Variants in KHDRBS3 observed in about 807,000 individuals in gnomAD.
KHDRBS3 encodes the protein KH RNA binding domain containing, signal transduction associated 3, also known as KH domain-containing, RNA-binding, signal transduction-associated protein 3.
Under a neutral mutation model 45.6 loss-of-function variants are expected in KHDRBS3, and 23 were observed. The observed-to-expected ratio is 0.50, with a 90% CI of 0.36 to 0.72. KHDRBS3 has a LOEUF of 0.72. KHDRBS3 is among the 30% of genes least tolerant of loss of function. The pLI, the probability that KHDRBS3 is intolerant of heterozygous loss-of-function variation, is 0.00. For missense variants in KHDRBS3, 352 were observed against 424.8 expected (o/e 0.83, Z 1.51); for synonymous variants, 162 against 156.5 (o/e 1.04, Z -0.26).
chr8:135,471,183 C>A (rs1821997369), intron 1 of KHDRBS3, among the ~76,000 whole-genome samples: 1 of 152,190 alleles, frequency 6.6e-6, no homozygotes, highest in Non-Finnish European at 1.5e-5. Context: ...AGGTAGGGCA[C>A]CATGTTACTT....
intron 7 of KHDRBS3, chr8:135,625,234 A>G (rs1830305810): frequency 7.2e-7 from 1 of 1,388,320 alleles, no homozygotes; most frequent in South Asian, 1.2e-5. Context: ...AGATGTCACA[A>G]AGCCTTCATC....
chr8:135,549,876 A>G (rs1464522482), intron 4 of KHDRBS3: 4 of 152,210 alleles, frequency 2.6e-5, no homozygotes, highest in Non-Finnish European at 5.9e-5. Context: ...CAGGACATAG[A>G]ATTGCATTAA....
chr8:135,536,935 C>T (rs1334015587), intron 2 of KHDRBS3, among the ~76,000 whole-genome samples: 2 of 130,410 alleles, frequency 1.5e-5, no homozygotes, highest in African/African-American at 3.0e-5. Context: ...AGTCCGCAGT[C>T]CGACCTGGGC....
intron 5 of KHDRBS3, among the ~76,000 whole-genome samples, chr8:135,578,084 T>C (rs1209313868): frequency 6.6e-6 from 1 of 152,196 alleles, no homozygotes; most frequent in African/African-American, 2.4e-5. Flanking sequence ...GTGGGTCATT[T>C]GCTTTCTTAT....
At chr8:135,652,555 A>G (rs1831451616), downstream of KHDRBS3, among the ~76,000 whole-genome samples, 1 of 152,228 alleles carries the variant, frequency 6.6e-6, no homozygotes, top group Non-Finnish European at 1.5e-5. Flanking sequence ...TATCAGTGCC[A>G]TTCTCTGCCT....
intron 4 of KHDRBS3, among the ~76,000 whole-genome samples, chr8:135,554,672 C>T (rs1213498996): frequency 6.6e-6 from 1 of 152,148 alleles, no homozygotes; most frequent in Non-Finnish European, 1.5e-5. Context: ...GCCTTCTCTT[C>T]TTCCTGCTTT....
intron 2 of KHDRBS3, among the ~76,000 whole-genome samples, chr8:135,531,866 C>T (rs1473833945): frequency 6.6e-6 from 1 of 152,066 alleles, no homozygotes; most frequent in Non-Finnish European, 1.5e-5. Context: ...CAGTGCTTTA[C>T]TTGGGCATGG....
chr8:135,588,129 G>A (rs1828568143), intron 6 of KHDRBS3, among the ~76,000 whole-genome samples: 1 of 152,138 alleles, frequency 6.6e-6, no homozygotes, highest in Non-Finnish European at 1.5e-5. Context: ...AGTTGCAACT[G>A]GTGGGCCCCC....
At chr8:135,468,425 C>T (rs1821808612) in intron 1 of KHDRBS3, among the ~76,000 whole-genome samples, 1 of 152,114 alleles carries the variant, frequency 6.6e-6, no homozygotes, top group Admixed American at 6.5e-5. Flanking sequence ...AAGTAGATAC[C>T]TATCTGTAGC....
chr8:135,514,682 A>G (rs1464497393), intron 1 of KHDRBS3, among the ~76,000 whole-genome samples: 2 of 152,240 alleles, frequency 1.3e-5, no homozygotes, highest in African/African-American at 4.8e-5. Flanking sequence ...ATGGTTGACT[A>G]TAAATTTTAT....
intron 6 of KHDRBS3, among the ~76,000 whole-genome samples, chr8:135,587,589 C>CT (rs1828539237): frequency 6.6e-6 from 1 of 152,028 alleles, no homozygotes. Context: ...CAAGAAGTGC[C>CT]TTTTTTCCAA....
chr8:135,555,120 C>G (rs1450763014), intron 4 of KHDRBS3, among the ~76,000 whole-genome samples: 1 of 152,160 alleles, frequency 6.6e-6, no homozygotes, highest in Non-Finnish European at 1.5e-5. Context: ...TTAATGAATC[C>G]CATAGAATTA....
intron 1 of KHDRBS3, among the ~76,000 whole-genome samples, chr8:135,520,497 G>A (rs1289422230): frequency 6.6e-6 from 1 of 152,132 alleles, no homozygotes; most frequent in Non-Finnish European, 1.5e-5. Context: ...TGTTCCAGAG[G>A]GAGAGGTAGC....
chr8:135,476,377 C>T (rs1003442842), intron 1 of KHDRBS3, among the ~76,000 whole-genome samples: 3 of 152,038 alleles, frequency 2.0e-5, no homozygotes, highest in Admixed American at 1.3e-4. Context: ...CTCCTGACCT[C>T]GTGATCCACC....
intron 1 of KHDRBS3, among the ~76,000 whole-genome samples, chr8:135,491,105 A>G (rs1373804488): frequency 6.6e-6 from 1 of 152,112 alleles, no homozygotes. Flanking sequence ...CTTTTTCTGC[A>G]TTGATGCTTT....
chr8:135,547,762 ATTTCTTATC>A, intron 3 of KHDRBS3, among the ~76,000 whole-genome samples: 1 of 152,226 alleles, frequency 6.6e-6, no homozygotes, highest in Middle Eastern at 3.4e-3. Context: ...GACTAGAAAG[ATTTCTTATC>A]TTTTGGAAAT....
At chr8:135,496,126 C>T (rs1257953518) in intron 1 of KHDRBS3, among the ~76,000 whole-genome samples, 1 of 141,448 alleles carries the variant, frequency 7.1e-6, no homozygotes, top group African/African-American at 2.7e-5. Flanking sequence ...GATATATGGG[C>T]ATGGATCTAG....
chr8:135,614,614 TA>T (rs1188324751), intron 7 of KHDRBS3, among the ~76,000 whole-genome samples: 1 of 151,266 alleles, frequency 6.6e-6, no homozygotes, highest in East Asian at 1.9e-4. Context: ...TCTAACACAG[TA>T]CTATGTAGAC....
At chr8:135,518,137 G>A (rs1052203499) in intron 1 of KHDRBS3, among the ~76,000 whole-genome samples, 3 of 152,130 alleles carry the variant, frequency 2.0e-5, no homozygotes, top group Admixed American at 1.3e-4. Context: ...TCTGGTGTGA[G>A]TTTTCAACAA....
Sources: gnomAD v4.1 joint callset for allele counts (sites outside exome capture counted in the v4.1 genomes callset) on GRCh38, gnomAD v4.1.1 for gene constraint, MANE v1.5 for transcripts, NCBI Gene and HGNC (gene_info 2026-07-23, HGNC 2026-07-21) for gene names.